The following CPM variants were observed in gnomAD, a reference collection of about 807,000 sequenced individuals.
CPM encodes the protein carboxypeptidase M.
Under a neutral mutation model 46.4 loss-of-function variants are expected in CPM, and 35 were observed. The ratio of observed to expected loss-of-function variants is 0.75; its 90% CI spans 0.58 to 1.00. The LOEUF is 1.00. Ranked by LOEUF, CPM falls within the 50% of genes least tolerant of loss-of-function variation. The pLI is 0.00. For missense variants in CPM, 422 were observed against 530.4 expected, an observed-to-expected ratio of 0.80 and a Z score of 2.01; for synonymous variants, 195 against 195.3, an observed-to-expected ratio of 1.00 and a Z score of 0.01.
chr12:68,869,470 G>A lies in CPM; in HGVS notation c.642C>T (p.Ser214=). Residue 214 remains serine, a synonymous_variant, in exon 6 of 9, where the codon AGC becomes AGT. Coordinates refer to ENST00000551568, the MANE Select transcript of CPM (RefSeq NM_198320.5). The part of the protein sequence containing the change: ...VQATGALYSR[S]LTPDDDVFQY... ...GAAAAACATCATCATCAGGCGTTAA[G>A]CTTCGGGAGTATAATGCCCCAGTTG... 2 of 1,611,114 alleles carry A rather than the reference G, an allele frequency of 1.2e-6. No homozygotes were observed. The highest frequency in any genetic ancestry group is 1.1e-5 in the South Asian group (1 of 90,768).
intron 2 of CPM, among the ~76,000 whole-genome samples, chr12:68,897,193 T>C (rs1213711113): frequency 2.6e-5 from 4 of 152,120 alleles, no homozygotes; most frequent in African/African-American, 9.7e-5. Flanking sequence ...TTATAAGACA[T>C]TTTTAAGAAT....
intron 5 of CPM, chr12:68,842,337 A>G (rs1464498352): frequency 2.0e-6 from 1 of 495,814 alleles, no homozygotes; most frequent in East Asian, 4.7e-5. Context: ...CAGCTGGAAG[A>G]AAAGATGATA....
At chr12:68,951,962 G>A (rs1039945163) in intron 1 of CPM, among the ~76,000 whole-genome samples, 1 of 152,208 alleles carries the variant, frequency 6.6e-6, no homozygotes. Flanking sequence ...TGTGAGGGGA[G>A]GGAGGAAGCT....
At chr12:68,929,217 A>G (rs1565802931) in intron 2 of CPM, among the ~76,000 whole-genome samples, 1 of 152,164 alleles carries the variant, frequency 6.6e-6, no homozygotes, top group African/African-American at 2.4e-5. Flanking sequence ...CAGTAAATAC[A>G]TTTGTATTTG....
intron 2 of CPM, among the ~76,000 whole-genome samples, chr12:68,889,350 T>C (rs1216939841): frequency 2.6e-5 from 4 of 152,198 alleles, no homozygotes; most frequent in Non-Finnish European, 5.9e-5. Context: ...TCTCTATTGT[T>C]AGGTGTCCAA....
At chr12:68,901,688 T>C (rs1887119472) in intron 2 of CPM, among the ~76,000 whole-genome samples, 1 of 152,158 alleles carries the variant, frequency 6.6e-6, no homozygotes, top group African/African-American at 2.4e-5. Context: ...GTCAGTAAAG[T>C]TTGAGTGTTG....
intron 3 of CPM, among the ~76,000 whole-genome samples, chr12:68,881,596 C>T (rs574626295): frequency 5.3e-5 from 8 of 152,160 alleles, no homozygotes; most frequent in African/African-American, 1.9e-4. Context: ...GGTAAAAGTA[C>T]ATGCACACAC....
chr12:68,952,316 C>A lies in CPM; in HGVS notation c.-4+10853G>T, dbSNP rs533820697. The stretch of plus-strand genomic sequence containing the variant: ...TGCTCTTCCCTTAGACCCAGGTTAG[C>A]CAGTATGAGGTTACTTTGTTCTGGC... On this transcript the variant is annotated intron_variant, in intron 1 of 8. Coordinates refer to the CPM transcript ENST00000546373. Among the ~76,000 whole-genome samples, 83 of 152,266 alleles carry A rather than the reference C, an allele frequency of 5.5e-4. 1 individual carries two copies. The highest frequency in any genetic ancestry group is 1.0e-3 in the Non-Finnish European group (69 of 68,016).
chr12:68,901,900 G>C (rs1317774899), intron 2 of CPM, among the ~76,000 whole-genome samples: 11 of 152,172 alleles, frequency 7.2e-5, no homozygotes, highest in African/African-American at 2.6e-4. Context: ...GAGAGGGGAG[G>C]GGATGGCACA....
At chr12:68,942,034 G>C (rs2136330928) in intron 1 of CPM, among the ~76,000 whole-genome samples, 1 of 152,314 alleles carries the variant, frequency 6.6e-6, no homozygotes, top group South Asian at 2.1e-4. Context: ...GAGATTGAAA[G>C]AATATGTCTC....
intron 2 of CPM, among the ~76,000 whole-genome samples, chr12:68,910,097 G>A (rs1887532437): frequency 6.6e-6 from 1 of 152,158 alleles, no homozygotes; most frequent in Admixed American, 6.5e-5. Context: ...TTTTGATTTA[G>A]TAGTGCCTAT....
intron 8 of CPM, among the ~76,000 whole-genome samples, chr12:68,858,093 T>C (rs567588111): frequency 6.6e-6 from 1 of 152,342 alleles, no homozygotes; most frequent in East Asian, 1.9e-4. Context: ...AACCATGTTT[T>C]TTCCATGATG....
chr12:68,919,142 G>T (rs571229710), intron 2 of CPM, among the ~76,000 whole-genome samples: 2 of 152,276 alleles, frequency 1.3e-5, no homozygotes, highest in African/African-American at 4.8e-5. Flanking sequence ...TCACCTTTCA[G>T]ATCTCCACTT....
At chr12:68,914,119 G>T in intron 2 of CPM, 1 of 503,818 alleles carries the variant, frequency 2.0e-6, no homozygotes, top group Non-Finnish European at 3.7e-6. Context: ...GTATACTATG[G>T]CCTGAAGAAT....
In CPM at chr12:68,855,726, T is replaced by C. The variant is rs1263874461; in HGVS notation, c.*711A>G. The C allele has an allele frequency of 6.7e-6, 1 of 149,000 alleles. No individual in the cohort carries two copies. The highest frequency in any genetic ancestry group is 1.5e-5 in the Non-Finnish European group (1 of 68,038). 9.2% of individuals were successfully genotyped at this position (149,000 alleles called of 1,614,324 possible). On this transcript the variant is annotated 3_prime_UTR_variant, in exon 9 of 9. Transcript: ENST00000551568. ...GTAGCACTCATGGTGAGGTGTTTTT[T>C]TTGTTTGTTTGTTTTTGTTTTTTTT...
intron 2 of CPM, among the ~76,000 whole-genome samples, chr12:68,916,906 A>AAAAAAAAG (rs1565795974): frequency 7.0e-6 from 1 of 142,684 alleles, no homozygotes; most frequent in African/African-American, 2.8e-5. Flanking sequence ...AAAAAAAAAA[A>AAAAAAAAG]AGAGAGAGAG....
chr12:68,883,311 T>A (rs946776040), intron 3 of CPM, among the ~76,000 whole-genome samples: 2 of 152,212 alleles, frequency 1.3e-5, no homozygotes, highest in Non-Finnish European at 2.9e-5. Flanking sequence ...GGTTGTTATA[T>A]CCTGTATTCA....
chr12:68,911,717 TTA>T (rs1475159857), intron 2 of CPM, among the ~76,000 whole-genome samples: 1 of 152,162 alleles, frequency 6.6e-6, no homozygotes, highest in African/African-American at 2.4e-5. Flanking sequence ...TCTGAGCACT[TTA>T]TGTTTATTAA....
chr12:68,917,418 A>T (rs977774313), intron 2 of CPM, among the ~76,000 whole-genome samples: 6 of 152,252 alleles, frequency 3.9e-5, no homozygotes, highest in African/African-American at 1.4e-4. Flanking sequence ...AAGTGGAATG[A>T]ATCTATCTGG....
Sources: allele counts gnomAD v4.1 joint callset (sites outside exome capture counted in the v4.1 genomes callset), GRCh38; gene constraint gnomAD v4.1.1; transcripts MANE v1.5; gene names NCBI Gene and HGNC (gene_info 2026-07-23, HGNC 2026-07-21).